NEK10: variants seen among roughly 807,000 people sequenced by gnomAD.
The protein encoded by NEK10 is NIMA related kinase 10, also known as serine/threonine-protein kinase Nek10.
In NEK10, 122 loss-of-function variants were observed where a neutral mutation model predicts 159.8. That is an observed-to-expected ratio of 0.76 (90% confidence interval 0.66 to 0.89). The LOEUF is 0.89. Among genes scored for constraint, NEK10 ranks in the 40% least tolerant of loss-of-function variants. The pLI is 0.00. For synonymous variants in NEK10, 466 were observed against 457.1 expected, an observed-to-expected ratio of 1.02 and a Z score of -0.25; for missense variants, 1,342 against 1,323.1, an observed-to-expected ratio of 1.01 and a Z score of -0.22.
chr3:27,202,754 CTT>C (rs1950165389), intron 23 of NEK10, among the ~76,000 whole-genome samples, 197 bp from the exon 24 acceptor site: 3 of 152,172 alleles, frequency 2.0e-5, no homozygotes, highest in Non-Finnish European at 4.4e-5. Flanking sequence ...TCAATTCCAG[CTT>C]AAGCACTAAA....
intron 30 of NEK10, among the ~76,000 whole-genome samples, chr3:27,142,401 A>C (rs1048772631): frequency 1.3e-5 from 2 of 152,060 alleles, no homozygotes; most frequent in African/African-American, 4.8e-5. Context: ...CAGATATGTG[A>C]TGTGCATTAT....
At chr3:27,250,005 G>A (rs1955485939) in intron 23 of NEK10, among the ~76,000 whole-genome samples, 2 of 152,154 alleles carry the variant, frequency 1.3e-5, no homozygotes, top group South Asian at 4.1e-4. Context: ...CATAAAAACT[G>A]TATACTTTAA....
chr3:27,136,104 T>A (rs991707344), intron 31 of NEK10, among the ~76,000 whole-genome samples: 18,941 of 45,854 alleles, frequency 0.41, 1,882 homozygotes, highest in East Asian at 0.43. Flanking sequence ...AGGAGATCGA[T>A]TTTTTTTTTT....
intron 29 of NEK10, 83 bp downstream of exon 29, chr3:27,171,736 G>T: frequency 1.4e-6 from 2 of 1,426,276 alleles, no homozygotes; most frequent in Admixed American, 3.8e-5. Context: ...GGAAACTTCT[G>T]GCTATCAGGT....
intron 23 of NEK10, among the ~76,000 whole-genome samples, chr3:27,236,900 T>C (rs1953977388): frequency 6.6e-6 from 1 of 151,990 alleles, no homozygotes; most frequent in Non-Finnish European, 1.5e-5. Flanking sequence ...TTTACTAGGG[T>C]GGGATCTTTT....
At chr3:27,217,072 G>T (rs62256307) in intron 23 of NEK10, among the ~76,000 whole-genome samples, 13,874 of 152,098 alleles carry the variant, frequency 0.091, 759 homozygotes, top group African/African-American at 0.14. Context: ...TTACTGACAG[G>T]CTTCTTAGAA....
chr3:27,214,149 G>A (rs1175336778), intron 23 of NEK10, among the ~76,000 whole-genome samples: 1 of 152,068 alleles, frequency 6.6e-6, no homozygotes, highest in Non-Finnish European at 1.5e-5. Flanking sequence ...TCCCACCCAC[G>A]CCACTTGCTT....
At chr3:27,365,725 G>T (rs935074290) in intron 1 of NEK10, among the ~76,000 whole-genome samples, 1 of 143,476 alleles carries the variant, frequency 7.0e-6, no homozygotes. Context: ...TGATTCTCCT[G>T]TCTCAGCCTC....
intron 22 of NEK10, among the ~76,000 whole-genome samples, chr3:27,263,370 A>G (rs2040585662): frequency 6.6e-6 from 1 of 152,218 alleles, no homozygotes; most frequent in African/African-American, 2.4e-5. Context: ...TTAAGTCTGC[A>G]GAGTTTTCTG....
chr3:27,322,473 A>C (rs1332148731), intron 5 of NEK10, among the ~76,000 whole-genome samples: 1 of 152,118 alleles, frequency 6.6e-6, no homozygotes, highest in Non-Finnish European at 1.5e-5. Context: ...GCCCCCCCCA[A>C]ACTTATTTGG....
intron 23 of NEK10, among the ~76,000 whole-genome samples, chr3:27,247,096 C>T (rs746405762): frequency 6.6e-6 from 1 of 152,122 alleles, no homozygotes; most frequent in Non-Finnish European, 1.5e-5. Context: ...TCTTCCTTCC[C>T]AATTTGGATG....
chr3:27,227,416 A>C (rs540506071), intron 23 of NEK10, among the ~76,000 whole-genome samples: 69 of 152,328 alleles, frequency 4.5e-4, no homozygotes, highest in African/African-American at 1.6e-3. Context: ...GAGCAGGCTC[A>C]TTAGCATAAA....
intron 26 of NEK10, among the ~76,000 whole-genome samples, chr3:27,175,592 C>T (rs1181094333): frequency 3.3e-5 from 5 of 152,230 alleles, no homozygotes; most frequent in South Asian, 2.1e-4. Context: ...AAAGACCGTG[C>T]GGAAGGAATG....
chr3:27,303,843 G>A (rs927120753), intron 12 of NEK10, among the ~76,000 whole-genome samples: 3 of 152,090 alleles, frequency 2.0e-5, no homozygotes, highest in Non-Finnish European at 2.9e-5. Context: ...AAGTCCCTCT[G>A]CTTTTATTAG....
chr3:27,177,262 G>A lies in NEK10; in HGVS notation c.2506-2429C>T, dbSNP rs1030790388. Among the ~76,000 whole-genome samples, 6 of 152,052 alleles carry A rather than the reference G, an allele frequency of 3.9e-5. No homozygotes were observed. In the East Asian group the frequency reaches 5.8e-4, roughly 15 times the overall value. On this transcript the variant is annotated intron_variant, in intron 26 of 35. Transcript: ENST00000691995. Reference sequence around the variant, plus strand: ...TTTGGGTTTAAAATTTGTATTTCTAGGCCAGGCATGGTGGCTCACTCCTGC... The same window carrying A: ...TTTGGGTTTAAAATTTGTATTTCTAAGCCAGGCATGGTGGCTCACTCCTGC...
At chr3:27,223,910 T>A (rs925751529) in intron 23 of NEK10, among the ~76,000 whole-genome samples, 1 of 152,226 alleles carries the variant, frequency 6.6e-6, no homozygotes, top group African/African-American at 2.4e-5. Context: ...ATTCTATCCA[T>A]GTCTTCTCTA....
At chr3:27,254,743 T>G (rs944075452) in intron 23 of NEK10, among the ~76,000 whole-genome samples, 3 of 152,130 alleles carry the variant, frequency 2.0e-5, no homozygotes. Flanking sequence ...AAAACAATCA[T>G]AGTACACATA....
At chr3:27,306,893 T>C (rs2149569931) in intron 11 of NEK10, among the ~76,000 whole-genome samples, 1 of 152,288 alleles carries the variant, frequency 6.6e-6, no homozygotes. Context: ...CCCAATTTCA[T>C]GCCTCCATGT....
chr3:27,205,714 G>A (rs1187988139), intron 23 of NEK10, among the ~76,000 whole-genome samples: 1 of 131,082 alleles, frequency 7.6e-6, no homozygotes, highest in Non-Finnish European at 1.6e-5. Context: ...AATTCAAGAT[G>A]GATTAAAGAT....
Sources: gnomAD v4.1 joint callset for allele counts (sites outside exome capture counted in the v4.1 genomes callset) on GRCh38, gnomAD v4.1.1 for gene constraint, MANE v1.5 for transcripts, NCBI Gene and HGNC (gene_info 2026-07-23, HGNC 2026-07-21) for gene names.